The following ROCK1 variants were observed in gnomAD, a reference collection of about 807,000 sequenced individuals.
ROCK1 encodes the protein rho-associated protein kinase 1.
A neutral mutation model predicts 196.8 loss-of-function variants in ROCK1; 36 were observed. That is an observed-to-expected ratio of 0.18 (90% CI 0.14 to 0.24). The LOEUF (loss-of-function observed/expected upper bound fraction) is 0.24, where lower values mean the gene tolerates loss of function less well. Among genes scored for constraint, ROCK1 ranks in the 10% least tolerant of loss-of-function variants. The pLI is 1.00. For synonymous variants in ROCK1, 443 were observed against 515.9 expected (o/e 0.86, Z 1.91); for missense variants, 920 against 1,562.0 (o/e 0.59, Z 6.93).
chr18:20,993,298 G>T (rs1411974806), intron 16 of ROCK1, among the ~76,000 whole-genome samples: 6 of 152,146 alleles, frequency 3.9e-5, no homozygotes, highest in Admixed American at 3.3e-4. Flanking sequence ...CTGCCTCCAG[G>T]TTCACGCCAT....
chr18:21,102,491 C>G (rs1220413662), intron 1 of ROCK1, among the ~76,000 whole-genome samples: 1 of 152,178 alleles, frequency 6.6e-6, no homozygotes, highest in South Asian at 2.1e-4. Context: ...GAATTCCTAG[C>G]ACACAGTACA....
Position 21,110,922 on chromosome 18 carries a change from T to C in ROCK1, c.-12A>G. 3 of 1,605,582 alleles carry C rather than the reference T, an allele frequency of 1.9e-6. No homozygotes were observed. Among genetic ancestry groups the C allele is most frequent in the Non-Finnish European group, 2.6e-6 (3 of 1,172,280 alleles). On this transcript the variant is annotated 5_prime_UTR_variant, in exon 1 of 33. Coordinates refer to ENST00000399799, the MANE Select transcript of ROCK1 (RefSeq NM_005406.3). ...TCCCCAGTCGACATGTTGCTGCTGC[T>C]GTGACAATGCCCTCTTACCAGCACC...
chr18:21,042,470 GATTGCTTAATATA>G, intron 7 of ROCK1, 82 bp downstream of exon 7: 1 of 1,301,704 alleles, frequency 7.7e-7, no homozygotes, highest in South Asian at 1.5e-5. Flanking sequence ...ATAAAATCAA[GATTGCTTAATATA>G]ATAAATATAT....
chr18:20,986,889 C>A, intron 19 of ROCK1, 61 bp downstream of exon 19: 1 of 1,412,896 alleles, frequency 7.1e-7, no homozygotes, highest in South Asian at 1.3e-5. Flanking sequence ...TAACTCCAGT[C>A]ATAACTTATA....
chr18:20,967,790 C>A lies in ROCK1; in HGVS notation c.3154G>T (p.Val1052Leu). 6.2e-7 allele frequency: 1 copy of A among 1,604,788 alleles called. No homozygotes were observed. The highest frequency in any genetic ancestry group is 8.5e-7 in the Non-Finnish European group (1 of 1,177,322). Residue 1052 changes from valine to leucine, a missense_variant, in exon 26 of 33, where the codon GTA (valine) becomes TTA (leucine). By Grantham distance (32) the Val-to-Leu change is conservative (BLOSUM62 1). This residue lies in a region of ROCK1 where 116 missense variants were observed against 204.2 expected (regional missense o/e 0.57). Coordinates refer to ENST00000399799, the MANE Select transcript of ROCK1 (RefSeq NM_005406.3). ...NQEREKFNQM[V>L]VKHQKELNDM... ...TTCAGTTCCTTCTGATGTTTCACTA[C>A]CATCTGGTTGAATTTCTCTCTTTCT...
intron 4 of ROCK1, among the ~76,000 whole-genome samples, chr18:21,046,224 T>C (rs1013138264): frequency 2.0e-5 from 3 of 152,090 alleles, no homozygotes; most frequent in Non-Finnish European, 4.4e-5. Context: ...CTGTTTCTTA[T>C]TAGCTGTGTG....
chr18:21,085,195 T>C (rs2036515929), intron 1 of ROCK1, among the ~76,000 whole-genome samples: 1 of 152,030 alleles, frequency 6.6e-6, no homozygotes. Context: ...ATTGTGAATG[T>C]GCTTTAACAC....
At chr18:20,951,550 TTC>T (rs1471021695) in intron 32 of ROCK1, among the ~76,000 whole-genome samples, 163 bp from the exon 33 acceptor site, 2 of 152,202 alleles carry the variant, frequency 1.3e-5, no homozygotes, top group Non-Finnish European at 2.9e-5. Flanking sequence ...ATACTTAGTA[TTC>T]TCTCCTCTTT....
chr18:20,999,981 A>G (rs916992366), intron 16 of ROCK1, among the ~76,000 whole-genome samples: 4 of 152,210 alleles, frequency 2.6e-5, no homozygotes, highest in African/African-American at 9.6e-5. Flanking sequence ...CTACAGATTC[A>G]AAGAAATTGC....
At chr18:21,026,939 C>CTTTTTTT (rs1208782541) in intron 10 of ROCK1, among the ~76,000 whole-genome samples, 1 of 136,284 alleles carries the variant, frequency 7.3e-6, no homozygotes, top group Non-Finnish European at 1.6e-5. Context: ...CTTTTTCTTT[C>CTTTTTTT]TTTTTTTTTT....
chr18:21,026,940 T>C (rs1268513421), intron 10 of ROCK1, among the ~76,000 whole-genome samples: 1 of 136,424 alleles, frequency 7.3e-6, no homozygotes, highest in Non-Finnish European at 1.6e-5. Flanking sequence ...TTTTTCTTTC[T>C]TTTTTTTTTT....
chr18:20,990,260 T>G (rs1385866311), intron 18 of ROCK1, among the ~76,000 whole-genome samples: 3 of 151,814 alleles, frequency 2.0e-5, no homozygotes, highest in Non-Finnish European at 4.4e-5. Context: ...CAAAGCAAGA[T>G]AGCAGATGAA....
chr18:21,027,508 T>C (rs1170115351), intron 10 of ROCK1, among the ~76,000 whole-genome samples: 3 of 152,174 alleles, frequency 2.0e-5, no homozygotes, highest in South Asian at 4.1e-4. Context: ...ATGGTAATAA[T>C]AGTTAACACT....
intron 1 of ROCK1, among the ~76,000 whole-genome samples, chr18:21,103,927 T>G (rs1232611082): frequency 6.6e-6 from 1 of 152,242 alleles, no homozygotes; most frequent in East Asian, 1.9e-4. Context: ...ACTAATGGCA[T>G]ATTTTTAAGA....
At chr18:21,100,591 A>C (rs2036651043) in intron 1 of ROCK1, among the ~76,000 whole-genome samples, 1 of 152,134 alleles carries the variant, frequency 6.6e-6, no homozygotes, top group Non-Finnish European at 1.5e-5. Context: ...AAATTTAAAA[A>C]AAAAAAAAAG....
rs773259435 is a variant in ROCK1, at chr18:20,975,009, C to T, written c.2655-4496G>A. On this transcript the variant is annotated intron_variant, in intron 22 of 32. Transcript: ENST00000399799. The stretch of plus-strand genomic sequence containing the variant: ...CAAACACTTGCTGAGCATCACAATG[C>T]TGCAGTTACAATTGTAGGTGCTAGA... Among the ~76,000 whole-genome samples, 9 of 152,322 alleles carry T rather than the reference C, an allele frequency of 5.9e-5. No individual in the cohort carries two copies. In the East Asian group the frequency reaches 1.5e-3, roughly 26 times the overall value.
rs1598503009 is a variant in ROCK1, at chr18:20,949,421, C to T, written c.*1963G>A. On this transcript the variant is annotated 3_prime_UTR_variant, in exon 33 of 33. Coordinates refer to ENST00000399799, the MANE Select transcript of ROCK1 (RefSeq NM_005406.3). ...CGTTCCATCAGTTCCCTTTGCCCTCCAAGCCCCATGTGGGCAATGCAGAGT... is the reference window on the plus strand; with the variant it reads ...CGTTCCATCAGTTCCCTTTGCCCTCTAAGCCCCATGTGGGCAATGCAGAGT... The T allele has an allele frequency of 2.0e-5, 3 of 152,614 alleles. No homozygotes were observed. The highest frequency in any genetic ancestry group is 2.0e-4 in the Admixed American group (3 of 15,292). 9.5% of individuals were successfully genotyped at this position (152,614 alleles called of 1,614,324 possible). A position where few individuals can be genotyped will look rare whatever the true frequency, so the allele number is the denominator to read the frequency against.
chr18:21,078,371 CACAGAGAGAGAGAG>C lies in ROCK1; in HGVS notation c.94-7772_94-7759del, dbSNP rs1280208588. Among the ~76,000 whole-genome samples, 973 of 144,052 alleles carry C rather than the reference CACAGAGAGAGAGAG, an allele frequency of 6.8e-3. 4 individuals carry two copies. The highest frequency in any genetic ancestry group is 0.026 in the Middle Eastern group (7 of 270). 94.5% of individuals were successfully genotyped at this position (144,052 alleles called of 152,430 possible). ...ACACACACACACACACACACACACA[CACAGAGAGAGAGAG>C]AGAGAGAGAGAGAGAACCTAGTGTG... On this transcript the variant is annotated intron_variant, in intron 1 of 32. Transcript: ENST00000399799.
chr18:20,980,921 A>G (rs1179819201), intron 21 of ROCK1, among the ~76,000 whole-genome samples: 3 of 151,796 alleles, frequency 2.0e-5, no homozygotes, highest in Admixed American at 2.0e-4. Context: ...ATCTCAAAAA[A>G]AAAAAAAAAA....
Sources: gnomAD v4.1 joint callset for allele counts (sites outside exome capture counted in the v4.1 genomes callset) on GRCh38, gnomAD v4.1.1 for gene constraint, gnomAD v4.1.1 regional missense constraint, MANE v1.5 for transcripts, NCBI Gene and HGNC (gene_info 2026-07-23, HGNC 2026-07-21) for gene names.